Variants in BRF1 observed in about 807,000 individuals in gnomAD.
The protein encoded by BRF1 is BRF1 general transcription factor IIIB subunit, also known as transcription factor IIIB 90 kDa subunit.
Under a neutral mutation model 81.7 loss-of-function variants are expected in BRF1, and 59 were observed. The observed-to-expected ratio is 0.72, with a 90% confidence interval of 0.59 to 0.90. BRF1 has a LOEUF of 0.90. Among genes scored for constraint, BRF1 ranks in the 40% least tolerant of loss-of-function variants. The probability of loss-of-function intolerance (pLI) is 0.00; values close to 1 mark genes in which losing one functional copy is unlikely to be tolerated. For synonymous variants in BRF1, 491 were observed against 395.6 expected (o/e 1.24, Z -2.86); for missense variants, 1,050 against 936.3 (o/e 1.12, Z -1.58).
chr14:105,281,169 A>T (rs1478743385), intron 2 of BRF1, among the ~76,000 whole-genome samples: 1 of 110,632 alleles, frequency 9.0e-6, no homozygotes, highest in Non-Finnish European at 1.8e-5. Flanking sequence ...TCCTGAGCCC[A>T]GGTGTGCAGG....
At chr14:105,264,733 A>G (rs2056322852) in intron 3 of BRF1, among the ~76,000 whole-genome samples, 1 of 151,048 alleles carries the variant, frequency 6.6e-6, no homozygotes, top group Non-Finnish European at 1.5e-5. Flanking sequence ...CCCAACTACT[A>G]TGGAGGCTGA....
chr14:105,314,961 G>A, intron 1 of BRF1: 1 of 1,198,038 alleles, frequency 8.3e-7, no homozygotes, highest in Non-Finnish European at 1.1e-6. Flanking sequence ...CGCGCCCGGC[G>A]CGCTCAACAC....
At chr14:105,224,153 G>C (rs1421838028) in intron 10 of BRF1, among the ~76,000 whole-genome samples, 4 of 152,226 alleles carry the variant, frequency 2.6e-5, no homozygotes, top group Non-Finnish European at 5.9e-5. Flanking sequence ...CAGATCACTT[G>C]AGGTCAGGAG....
At chr14:105,288,107 T>C (rs372555785) in intron 1 of BRF1, among the ~76,000 whole-genome samples, 3 of 152,352 alleles carry the variant, frequency 2.0e-5, no homozygotes, top group African/African-American at 7.2e-5. Context: ...GGGATCTATG[T>C]ACTAGTTTTC....
intron 5 of BRF1, chr14:105,250,500 T>A (rs762706164): frequency 6.2e-7 from 1 of 1,613,992 alleles, no homozygotes; most frequent in African/African-American, 1.3e-5. Context: ...CAAGACACCT[T>A]CTACACGGCC....
At chr14:105,289,600 G>A (rs990121433) in intron 1 of BRF1, among the ~76,000 whole-genome samples, 1 of 152,184 alleles carries the variant, frequency 6.6e-6, no homozygotes, top group African/African-American at 2.4e-5. Context: ...CTGCAACTCC[G>A]ACCCTCCCTC....
chr14:105,289,668 C>T (rs1419132285), intron 1 of BRF1, among the ~76,000 whole-genome samples: 2 of 152,146 alleles, frequency 1.3e-5, no homozygotes, highest in Admixed American at 1.3e-4. Context: ...CGGAGTCTCG[C>T]TCTATCGCCC....
chr14:105,254,433 G>T (rs745979753), intron 4 of BRF1, among the ~76,000 whole-genome samples: 1 of 151,950 alleles, frequency 6.6e-6, no homozygotes, highest in African/African-American at 2.4e-5. Context: ...ATTTTTTTGT[G>T]TTTTTAGTAG....
intron 10 of BRF1, 32 bp downstream of exon 10, chr14:105,226,037 G>A: frequency 6.3e-7 from 1 of 1,580,516 alleles, no homozygotes; most frequent in Non-Finnish European, 8.7e-7. Flanking sequence ...CATTTTAAAG[G>A]TCTGAATAGG....
At chr14:105,282,886 T>C (rs1233506265) in intron 2 of BRF1, among the ~76,000 whole-genome samples, 1 of 152,096 alleles carries the variant, frequency 6.6e-6, no homozygotes. Flanking sequence ...TGAGCCCAGA[T>C]CGCGCCACTG....
chr14:105,313,186 C>T (rs1338475792), intron 1 of BRF1, among the ~76,000 whole-genome samples: 2 of 152,216 alleles, frequency 1.3e-5, no homozygotes, highest in Non-Finnish European at 1.5e-5. Context: ...ATGTGTCAGG[C>T]GGCCCATCCG....
rs2057983699 is a variant in BRF1 at position 105,300,817 on chromosome 14, C to T, written c.-188G>A. The T allele has an allele frequency of 4.4e-6, 1 of 225,530 alleles. No homozygotes were observed. The highest frequency in any genetic ancestry group is 6.1e-5 in the Admixed American group (1 of 16,358). The allele number at this position is 225,530 out of a possible 1,614,324, so 14.0% of individuals were successfully genotyped here. On this transcript the variant is annotated 5_prime_UTR_variant, in exon 1 of 18. Transcript: ENST00000547530. Reference sequence around the variant, plus strand: ...CCCGGGCCGCGCCGCCCGCAACGGCCGCGCCCGCGGGATGGGACAGGCACC... The same window carrying T: ...CCCGGGCCGCGCCGCCCGCAACGGCTGCGCCCGCGGGATGGGACAGGCACC...
chr14:105,282,345 G>A (rs1019026058), intron 2 of BRF1, among the ~76,000 whole-genome samples: 6 of 152,314 alleles, frequency 3.9e-5, no homozygotes, highest in Admixed American at 2.0e-4. Flanking sequence ...CTGTCGCTGC[G>A]GGCAGGAAGG....
intron 1 of BRF1, among the ~76,000 whole-genome samples, chr14:105,308,979 C>G (rs2058271085): frequency 6.6e-6 from 1 of 150,718 alleles, no homozygotes; most frequent in Non-Finnish European, 1.5e-5. Flanking sequence ...GTCAAGAAAA[C>G]AAAAGAAAAA....
chr14:105,253,765 G>C (rs986657010), intron 4 of BRF1, among the ~76,000 whole-genome samples: 1 of 152,182 alleles, frequency 6.6e-6, no homozygotes, highest in African/African-American at 2.4e-5. Flanking sequence ...TTATATCCGA[G>C]GGCTCCATCA....
rs587704718 is a variant in BRF1 at position 105,211,222 on chromosome 14, C to A, written c.1896G>T (p.Gly632=). Residue 632 remains glycine (G), a synonymous_variant, in exon 17 of 18, where the codon GGG becomes GGT. Transcript: ENST00000547530. The part of the protein sequence containing the change: ...ARPQAVLVES[G]PVSYHADEEA... ...CCTCGTCGGCGTGGTATGACACGGG[C>A]CCGCTCTCCACCAGCACCGCCTGGG... The A allele has an allele frequency of 6.2e-7, 1 of 1,611,274 alleles. No individual in the cohort carries two copies. The highest frequency in any genetic ancestry group is 1.1e-5 in the South Asian group (1 of 91,024).
chr14:105,268,764 G>A (rs986783529), intron 3 of BRF1, among the ~76,000 whole-genome samples: 1 of 152,202 alleles, frequency 6.6e-6, no homozygotes, highest in African/African-American at 2.4e-5. Flanking sequence ...GACCCTCCAC[G>A]TCCTGCTGAC....
chr14:105,223,999 A>T (rs1314870390), intron 10 of BRF1, among the ~76,000 whole-genome samples: 1 of 152,210 alleles, frequency 6.6e-6, no homozygotes, highest in Non-Finnish European at 1.5e-5. Context: ...ATCACGAATG[A>T]ACGTTACTAT....
intron 3 of BRF1, among the ~76,000 whole-genome samples, chr14:105,260,989 C>T (rs1245697387): frequency 6.6e-6 from 1 of 152,256 alleles, no homozygotes; most frequent in Non-Finnish European, 1.5e-5. Flanking sequence ...TCTCCTGTGT[C>T]CAGCATGGCT....
Sources: allele counts gnomAD v4.1 joint callset (sites outside exome capture counted in the v4.1 genomes callset), GRCh38; gene constraint gnomAD v4.1.1; transcripts MANE v1.5; gene names NCBI Gene and HGNC (gene_info 2026-07-23, HGNC 2026-07-21).